The following VEPH1 variants were observed in gnomAD, a reference collection of about 807,000 sequenced individuals.
VEPH1 encodes the protein ventricular zone-expressed PH domain-containing protein homolog 1.
In VEPH1, 80 loss-of-function variants were observed where a neutral mutation model predicts 85.2. The ratio of observed to expected loss-of-function variants is 0.94; its 90% CI spans 0.78 to 1.13. The LOEUF is 1.13. VEPH1 is among the 50% of genes most tolerant of loss of function. The pLI, the probability that VEPH1 is intolerant of heterozygous loss-of-function variation, is 0.00. For synonymous variants in VEPH1, 297 were observed against 348.0 expected (o/e 0.85, Z 1.63); for missense variants, 955 against 980.5 (o/e 0.97, Z 0.35).
At chr3:157,307,867 A>AT (rs2108492130) in intron 11 of VEPH1, among the ~76,000 whole-genome samples, 1 of 151,560 alleles carries the variant, frequency 6.6e-6, no homozygotes, top group South Asian at 2.1e-4. Flanking sequence ...GGTCTTTAAA[A>AT]TTTTTTTCAT....
At chr3:157,267,102 C>CTTTTTTTTTTTTTTTTTT (rs10537483) in intron 12 of VEPH1, among the ~76,000 whole-genome samples, 5 of 124,676 alleles carry the variant, frequency 4.0e-5, no homozygotes, top group African/African-American at 6.1e-5. Flanking sequence ...TCTTTTTTTT[C>CTTTTTTTTTTTTTTTTTT]TTTTTTTTTT....
At chr3:157,353,270 TA>T (rs1404985361) in intron 9 of VEPH1, among the ~76,000 whole-genome samples, 2 of 151,634 alleles carry the variant, frequency 1.3e-5, no homozygotes, top group African/African-American at 2.4e-5. Context: ...CCAATCTGAT[TA>T]TTTTTCTTTT....
intron 9 of VEPH1, among the ~76,000 whole-genome samples, chr3:157,326,908 A>G (rs574696731): frequency 6.6e-6 from 1 of 152,328 alleles, no homozygotes; most frequent in South Asian, 2.1e-4. Flanking sequence ...TTCAGCTTTC[A>G]TGGTCACTCT....
intron 12 of VEPH1, among the ~76,000 whole-genome samples, chr3:157,281,057 G>A (rs73016264): frequency 0.022 from 3,373 of 151,730 alleles, 129 homozygotes; most frequent in African/African-American, 0.078. Flanking sequence ...CTGCTTAGGG[G>A]TGGTATGTAG....
rs532806495 is a variant in VEPH1 at position 157,273,138 on chromosome 3, G to T, written c.2129-7476C>A. ...AGTGGTTTCTTCTCAGTTAATAAGAGAATTTAGCATTCATGTTATTCTTGT... is the reference window on the plus strand; with the variant it reads ...AGTGGTTTCTTCTCAGTTAATAAGATAATTTAGCATTCATGTTATTCTTGT... On this transcript the variant is annotated intron_variant, in intron 12 of 13. Coordinates refer to ENST00000362010, the MANE Select transcript of VEPH1 (RefSeq NM_001167912.2). Among the ~76,000 whole-genome samples the T allele has an allele frequency of 2.6e-5, 4 of 152,278 alleles. No homozygotes were observed. The South Asian group carries it at 8.3e-4, about 32-fold the overall frequency.
Position 157,381,356 on chromosome 3 carries a change from C to A in VEPH1, c.927G>T (p.Leu309=), listed in dbSNP as rs775971967. The A allele has an allele frequency of 6.8e-6, 11 of 1,614,120 alleles. No individual in the cohort carries two copies. Among genetic ancestry groups the A allele is most frequent in the Non-Finnish European group, 6.8e-6 (8 of 1,180,012 alleles). ...TGGCCAGTTGGCTCACCAGGTATGT[C>A]AGGCAGCTCCTGGCTCTCTCCTACC... ...HVDEERARSC[L]TYLVSQLANM... Residue 309 remains leucine (L), a synonymous_variant, in exon 7 of 14, where the codon CTG becomes CTT. Coordinates refer to ENST00000362010, the MANE Select transcript of VEPH1 (RefSeq NM_001167912.2).
intron 12 of VEPH1, among the ~76,000 whole-genome samples, chr3:157,285,929 C>T (rs1223393300): frequency 6.6e-6 from 1 of 152,154 alleles, no homozygotes; most frequent in Non-Finnish European, 1.5e-5. Context: ...GTATTTTCCT[C>T]ATAAGAGTAT....
chr3:157,438,314 C>G (rs923544392), intron 4 of VEPH1, among the ~76,000 whole-genome samples: 2 of 152,040 alleles, frequency 1.3e-5, no homozygotes, highest in Non-Finnish European at 2.9e-5. Flanking sequence ...TTAGGGATTT[C>G]CACGTCTTCT....
At chr3:157,290,966 C>G (rs987760811) in intron 11 of VEPH1, among the ~76,000 whole-genome samples, 1 of 152,134 alleles carries the variant, frequency 6.6e-6, no homozygotes, top group African/African-American at 2.4e-5. Flanking sequence ...GCATAGTGGC[C>G]TCTGGATTTT....
At chr3:157,439,978 C>T (rs1380187182) in intron 4 of VEPH1, among the ~76,000 whole-genome samples, 2 of 152,110 alleles carry the variant, frequency 1.3e-5, no homozygotes, top group East Asian at 3.9e-4. Flanking sequence ...TCTCGATCTC[C>T]TGACCTTGTG....
At chr3:157,283,968 A>T (rs1194726294) in intron 12 of VEPH1, among the ~76,000 whole-genome samples, 1 of 152,254 alleles carries the variant, frequency 6.6e-6, no homozygotes, top group African/African-American at 2.4e-5. Context: ...CCAGACCAGT[A>T]CATAGTACTC....
chr3:157,349,723 A>C (rs1559982072), intron 9 of VEPH1, among the ~76,000 whole-genome samples: 1 of 151,714 alleles, frequency 6.6e-6, no homozygotes, highest in African/African-American at 2.4e-5. Flanking sequence ...TCTATACACA[A>C]ACAATGAATT....
intron 11 of VEPH1, 125 bp downstream of exon 11, chr3:157,313,496 T>G: frequency 8.6e-7 from 1 of 1,157,572 alleles, no homozygotes; most frequent in Non-Finnish European, 1.2e-6. Context: ...ACAAGTGTTT[T>G]ATGATAATAA....
rs117888989 is a variant in VEPH1, at chr3:157,479,363, C to T, written c.139-8834G>A. ...GTGTCAAATGGGAGAAGTAGGACAA[C>T]GAAAAAGCCACAAATTGTGCTGCTC... On this transcript the variant is annotated intron_variant, in intron 2 of 13. Transcript: ENST00000362010. Among the ~76,000 whole-genome samples, 1,150 of 152,190 alleles carry T rather than the reference C, an allele frequency of 7.6e-3. 21 individuals carry two copies. The highest frequency in any genetic ancestry group is 0.066 in the East Asian group (341 of 5,174).
Position 157,297,601 on chromosome 3 carries a change from A to G in VEPH1, c.2011-10927T>C, listed in dbSNP as rs556044798. ...GTGGAAAGGGCAGGTTGTGGTAGAT[A>G]AGAAGCAGAGAGAAAGAATGCAGTA... On this transcript the variant is annotated intron_variant, in intron 11 of 13. Coordinates refer to ENST00000362010, the MANE Select transcript of VEPH1 (RefSeq NM_001167912.2). Among the ~76,000 whole-genome samples the G allele has an allele frequency of 3.9e-5, 6 of 152,266 alleles. No individual in the cohort carries two copies. In the South Asian group the frequency reaches 1.2e-3, roughly 32 times the overall value.
intron 11 of VEPH1, among the ~76,000 whole-genome samples, chr3:157,301,415 A>G (rs1718792793): frequency 6.6e-6 from 1 of 152,018 alleles, no homozygotes. Context: ...CAACCTCTCT[A>G]TTGCATCATC....
chr3:157,394,806 T>C (rs1730208640), intron 6 of VEPH1, among the ~76,000 whole-genome samples: 1 of 152,038 alleles, frequency 6.6e-6, no homozygotes, highest in Non-Finnish European at 1.5e-5. Flanking sequence ...GAAGCAAAAA[T>C]GTTGCTAGTG....
chr3:157,413,717 T>C, intron 6 of VEPH1, 164 bp downstream of exon 6: 1 of 948,590 alleles, frequency 1.1e-6, no homozygotes, highest in Non-Finnish European at 1.3e-6. Context: ...TTGTATGTCA[T>C]AGAACTCCCA....
chr3:157,500,470 C>T (rs1175021932), intron 1 of VEPH1, among the ~76,000 whole-genome samples: 1 of 152,140 alleles, frequency 6.6e-6, no homozygotes, highest in African/African-American at 2.4e-5. Flanking sequence ...AGAACGACCT[C>T]GTAAATCTGC....
Sources: gnomAD v4.1 joint callset for allele counts (sites outside exome capture counted in the v4.1 genomes callset) on GRCh38, gnomAD v4.1.1 for gene constraint, MANE v1.5 for transcripts, NCBI Gene and HGNC (gene_info 2026-07-23, HGNC 2026-07-21) for gene names.